Variants in NFAM1 observed in about 807,000 individuals in gnomAD.
NFAM1 encodes NFAT activation molecule 1.
In NFAM1, 17 loss-of-function variants were observed where a neutral mutation model predicts 29.0. That is an observed-to-expected ratio of 0.59 (90% confidence interval 0.40 to 0.88). The LOEUF (loss-of-function observed/expected upper bound fraction) is 0.88. Among genes scored for constraint, NFAM1 ranks in the 40% least tolerant of loss-of-function variants. NFAM1 has a pLI of 0.00. For synonymous variants in NFAM1, 175 were observed against 147.2 expected, an observed-to-expected ratio of 1.19 and a Z score of -1.36; for missense variants, 324 against 344.6, an observed-to-expected ratio of 0.94 and a Z score of 0.47.
intron 1 of NFAM1, 42 bp from the exon 2 acceptor site, chr22:42,411,778 G>A: frequency 7.0e-7 from 1 of 1,431,956 alleles, no homozygotes; most frequent in South Asian, 1.2e-5. Context: ...GTCACTTGAG[G>A]CTGCCTCAGT....
chr22:42,399,916 CA>C (rs1697791717), intron 3 of NFAM1, among the ~76,000 whole-genome samples: 1 of 152,238 alleles, frequency 6.6e-6, no homozygotes, highest in Non-Finnish European at 1.5e-5. Context: ...GCGCCACCCC[CA>C]GTCACAGCAC....
intron 3 of NFAM1, among the ~76,000 whole-genome samples, chr22:42,405,309 G>A (rs1929858979): frequency 6.6e-6 from 1 of 152,206 alleles, no homozygotes; most frequent in South Asian, 2.1e-4. Flanking sequence ...GTACACAGAG[G>A]GCACTTGTGT....
chr22:42,431,742 TCTGGGCGCAGAGCCCTGTGG>T (rs1412067552), intron 1 of NFAM1, among the ~76,000 whole-genome samples: 1 of 152,168 alleles, frequency 6.6e-6, no homozygotes, highest in Non-Finnish European at 1.5e-5. Context: ...GTTTTGTGCC[TCTGGGCGCAGAGCCCTGTGG>T]CTGGCCCTGG....
At chr22:42,432,837 G>A (rs1930853478), upstream of NFAM1, among the ~76,000 whole-genome samples, 4 of 152,192 alleles carry the variant, frequency 2.6e-5, no homozygotes, top group Admixed American at 2.6e-4. Context: ...GGTGAGGGGT[G>A]GTAGGGAGGC....
intron 4 of NFAM1, among the ~76,000 whole-genome samples, chr22:42,389,568 C>A (rs1483802706): frequency 1.3e-5 from 2 of 151,740 alleles, no homozygotes; most frequent in Non-Finnish European, 2.9e-5. Context: ...ATTGCACAGG[C>A]CTTGGAATGG....
At chr22:42,436,225 AAGC>A (rs1930937014), upstream of NFAM1, among the ~76,000 whole-genome samples, 1 of 152,130 alleles carries the variant, frequency 6.6e-6, no homozygotes, top group Non-Finnish European at 1.5e-5. Context: ...TCTGCACAGG[AAGC>A]AGAAGTGCCG....
intron 1 of NFAM1, among the ~76,000 whole-genome samples, chr22:42,413,145 T>C (rs1260626641): frequency 6.6e-6 from 1 of 152,172 alleles, no homozygotes; most frequent in East Asian, 1.9e-4. Context: ...CAGTTCTAAA[T>C]TGAGGTCGGC....
chr22:42,408,570 G>A (rs565560179), intron 3 of NFAM1, among the ~76,000 whole-genome samples: 19 of 152,224 alleles, frequency 1.2e-4, no homozygotes, highest in South Asian at 6.2e-4. Context: ...CCTGGTACCC[G>A]CTGGGCACTG....
intron 1 of NFAM1, among the ~76,000 whole-genome samples, chr22:42,422,985 C>A (rs1008096946): frequency 3.3e-5 from 5 of 151,904 alleles, no homozygotes; most frequent in African/African-American, 1.2e-4. Flanking sequence ...TGGTGGCGGG[C>A]GCCTGTAATC....
chr22:42,396,954 G>GGGCGTGC (rs1929549195), intron 4 of NFAM1, among the ~76,000 whole-genome samples: 4 of 151,732 alleles, frequency 2.6e-5, no homozygotes, highest in South Asian at 4.1e-4. Context: ...TGCACCTGGG[G>GGGCGTGC]AGCGTGCACC....
chr22:42,435,812 CTTCTTTTTTTTTTTT>C (rs1930925277), upstream of NFAM1, among the ~76,000 whole-genome samples: 2 of 133,170 alleles, frequency 1.5e-5, no homozygotes, highest in Admixed American at 1.4e-4. Context: ...TCCTTTTCTT[CTTCTTTTTTTTTTTT>C]TTTTTTTTTG....
chr22:42,395,873 ACT>A (rs1264102601), intron 4 of NFAM1, among the ~76,000 whole-genome samples: 10 of 136,258 alleles, frequency 7.3e-5, no homozygotes, highest in African/African-American at 2.5e-4. Context: ...ACAGAGCGAG[ACT>A]CTGCTCAAAA....
chr22:42,407,780 T>C (rs1380499348), intron 3 of NFAM1, among the ~76,000 whole-genome samples: 1 of 151,986 alleles, frequency 6.6e-6, no homozygotes, highest in Admixed American at 6.6e-5. Context: ...TTTGTAGAGA[T>C]GGGGTCTCTC....
intron 1 of NFAM1, among the ~76,000 whole-genome samples, chr22:42,417,152 C>T (rs1311873657): frequency 6.6e-6 from 1 of 152,204 alleles, no homozygotes; most frequent in Non-Finnish European, 1.5e-5. Flanking sequence ...AGAAGAGGCA[C>T]CTCGCCCCTC....
At position 42,418,179 on chromosome 22, in the gene NFAM1, G is replaced by A. The variant is rs538398297; in HGVS notation, c.122-6443C>T. On this transcript the variant is annotated intron_variant, in intron 1 of 5. Coordinates refer to ENST00000329021, the MANE Select transcript of NFAM1 (RefSeq NM_145912.8). ...TTCTGGAGGCAACAGGCCTGGATGC[G>A]GCTCCTGGCTCTGCCACTTCAAGGC... Among the ~76,000 whole-genome samples the A allele has an allele frequency of 5.3e-5, 8 of 152,316 alleles. No homozygotes were observed. In the South Asian group the frequency reaches 1.4e-3, roughly 28 times the overall value.
intron 1 of NFAM1, among the ~76,000 whole-genome samples, chr22:42,416,124 A>T (rs1319039950): frequency 6.6e-6 from 1 of 152,154 alleles, no homozygotes; most frequent in African/African-American, 2.4e-5. Flanking sequence ...CACAGGTCCT[A>T]TGTCAATTAA....
At chr22:42,395,881 C>CAAAA (rs60278301) in intron 4 of NFAM1, among the ~76,000 whole-genome samples, 1 of 93,790 alleles carries the variant, frequency 1.1e-5, no homozygotes, top group African/African-American at 3.7e-5. Context: ...AGACTCTGCT[C>CAAAA]AAAAAAAAAA....
chr22:42,424,663 A>G (rs1930565652), intron 1 of NFAM1, among the ~76,000 whole-genome samples: 1 of 152,014 alleles, frequency 6.6e-6, no homozygotes, highest in South Asian at 2.1e-4. Flanking sequence ...AAACGCAAGA[A>G]AGTTCTCGGG....
At chr22:42,418,650 A>G (rs1206518955) in intron 1 of NFAM1, among the ~76,000 whole-genome samples, 1 of 151,750 alleles carries the variant, frequency 6.6e-6, no homozygotes, top group African/African-American at 2.4e-5. Flanking sequence ...CCGAGATCGC[A>G]CTGCTACACT....
Sources: gnomAD v4.1 joint callset for allele counts (sites outside exome capture counted in the v4.1 genomes callset) on GRCh38, gnomAD v4.1.1 for gene constraint, MANE v1.5 for transcripts, NCBI Gene and HGNC (gene_info 2026-07-23, HGNC 2026-07-21) for gene names.